Variants in BBS9 observed in about 807,000 individuals in gnomAD.
BBS9 encodes protein PTHB1.
BBS9 carries 89 observed loss-of-function variants against 117.7 expected under a neutral mutation model. The observed-to-expected ratio is 0.76, with a 90% confidence interval of 0.64 to 0.90. The LOEUF (loss-of-function observed/expected upper bound fraction) is 0.90. BBS9 is among the 40% of genes least tolerant of loss of function. The pLI is 0.00. For missense variants in BBS9, 982 were observed against 1,042.2 expected, an observed-to-expected ratio of 0.94 and a Z score of 0.80; for synonymous variants, 379 against 370.9, an observed-to-expected ratio of 1.02 and a Z score of -0.25.
chr7:33,188,079 A>AGTGTGTGTGTGTGT (rs1562762988), intron 5 of BBS9, among the ~76,000 whole-genome samples: 4 of 51,904 alleles, frequency 7.7e-5, no homozygotes, highest in Admixed American at 2.6e-4. Flanking sequence ...TAGTTGAGTG[A>AGTGTGTGTGTGTGT]ATGTGTGTGT....
chr7:33,623,495 A>G (rs1483981597), intron 21 of BBS9, among the ~76,000 whole-genome samples: 1 of 152,192 alleles, frequency 6.6e-6, no homozygotes, highest in Non-Finnish European at 1.5e-5. Context: ...GCACGTGCAC[A>G]TAACCTATCA....
At chr7:33,210,804 GA>G (rs1787866843) in intron 5 of BBS9, among the ~76,000 whole-genome samples, 2 of 152,250 alleles carry the variant, frequency 1.3e-5, no homozygotes, top group South Asian at 4.1e-4. Flanking sequence ...TTACAGGCAT[GA>G]GCCACCGAGC....
chr7:33,568,413 C>CT (rs1857251579), intron 21 of BBS9, among the ~76,000 whole-genome samples: 1 of 152,176 alleles, frequency 6.6e-6, no homozygotes, highest in South Asian at 2.1e-4. Flanking sequence ...AACCCTATCG[C>CT]TTACCCCTAT....
intron 19 of BBS9, among the ~76,000 whole-genome samples, chr7:33,455,677 C>A (rs543804589): frequency 6.6e-6 from 1 of 152,054 alleles, no homozygotes; most frequent in Non-Finnish European, 1.5e-5. Flanking sequence ...TGAAAACACC[C>A]CCATGTGGTG....
At chr7:33,633,442 A>T (rs1158879597) in intron 21 of BBS9, among the ~76,000 whole-genome samples, 1 of 152,076 alleles carries the variant, frequency 6.6e-6, no homozygotes, top group Non-Finnish European at 1.5e-5. Context: ...CAGGTTTTGA[A>T]GATTGGGAAT....
At chr7:33,400,443 G>T (rs1011866821) in intron 19 of BBS9, among the ~76,000 whole-genome samples, 1 of 151,944 alleles carries the variant, frequency 6.6e-6, no homozygotes, top group South Asian at 2.1e-4. Flanking sequence ...ATCCCATCTG[G>T]CACAATTATT....
At chr7:33,552,568 T>C (rs2129094612) in intron 21 of BBS9, among the ~76,000 whole-genome samples, 1 of 152,298 alleles carries the variant, frequency 6.6e-6, no homozygotes, top group South Asian at 2.1e-4. Flanking sequence ...AAATTAATTA[T>C]AAAACTACCT....
intron 5 of BBS9, among the ~76,000 whole-genome samples, chr7:33,253,373 G>A (rs1337147561): frequency 6.6e-6 from 1 of 152,162 alleles, no homozygotes; most frequent in Non-Finnish European, 1.5e-5. Flanking sequence ...CAGGACTTTG[G>A]GAGGCTGAGG....
At chr7:33,447,809 A>T (rs561822059) in intron 19 of BBS9, among the ~76,000 whole-genome samples, 1 of 152,300 alleles carries the variant, frequency 6.6e-6, no homozygotes, top group South Asian at 2.1e-4. Flanking sequence ...AGTTCCAAAC[A>T]ATTAAAGAAT....
rs1484908049 is a variant in BBS9 at position 33,466,028 on chromosome 7, G to GAA, written c.2116-39435_2116-39434insAA. Among the ~76,000 whole-genome samples the GAA allele has an allele frequency of 2.6e-5, 4 of 151,974 alleles. No homozygotes were observed. The East Asian group carries it at 7.7e-4, about 29-fold the overall frequency. On this transcript the variant is annotated intron_variant, in intron 19 of 22. Transcript: ENST00000242067. ...GAAGTGTACCTGACAAATAAAAGTTGTATATATTTAAAGTATATAACATTT... is the reference window on the plus strand; with the variant it reads ...GAAGTGTACCTGACAAATAAAAGTTGAATATATATTTAAAGTATATAACATTT...
chr7:33,474,940 T>TCAAA (rs763481499), intron 19 of BBS9, among the ~76,000 whole-genome samples: 1 of 152,146 alleles, frequency 6.6e-6, no homozygotes, highest in Non-Finnish European at 1.5e-5. Context: ...AGACTCCGTC[T>TCAAA]CAAACAAACA....
intron 21 of BBS9, among the ~76,000 whole-genome samples, chr7:33,580,496 T>C (rs941997509): frequency 1.6e-5 from 2 of 125,910 alleles, no homozygotes; most frequent in African/African-American, 9.5e-5. Flanking sequence ...CTTATTTGTA[T>C]GCAAAACAAT....
chr7:33,596,428 C>A (rs566767773), intron 21 of BBS9, among the ~76,000 whole-genome samples: 1 of 151,700 alleles, frequency 6.6e-6, no homozygotes, highest in South Asian at 2.1e-4. Flanking sequence ...CACCATCATA[C>A]CTTTACCAAT....
At chr7:33,291,626 A>G (rs1804064753) in intron 9 of BBS9, among the ~76,000 whole-genome samples, 1 of 152,212 alleles carries the variant, frequency 6.6e-6, no homozygotes, top group African/African-American at 2.4e-5. Flanking sequence ...GGGAAATCTC[A>G]TTCTTAAACC....
At chr7:33,539,306 C>T (rs1386511759) in intron 21 of BBS9, among the ~76,000 whole-genome samples, 1 of 152,130 alleles carries the variant, frequency 6.6e-6, no homozygotes, top group African/African-American at 2.4e-5. Flanking sequence ...ACCTCCCAGA[C>T]AATAGTGGCT....
intron 19 of BBS9, among the ~76,000 whole-genome samples, chr7:33,439,818 C>T (rs1295070098): frequency 4.6e-5 from 7 of 152,134 alleles, no homozygotes; most frequent in African/African-American, 9.7e-5. Flanking sequence ...TGAGCCACTG[C>T]GCCCGGCCTT....
intron 19 of BBS9, among the ~76,000 whole-genome samples, chr7:33,435,612 A>G (rs755779751): frequency 1.4e-4 from 22 of 152,186 alleles, no homozygotes; most frequent in Non-Finnish European, 2.9e-4. Flanking sequence ...ATCAATAGAT[A>G]CTGAATTAAA....
chr7:33,164,917 C>T (rs1481112237), intron 4 of BBS9, among the ~76,000 whole-genome samples: 4 of 152,114 alleles, frequency 2.6e-5, no homozygotes, highest in Non-Finnish European at 5.9e-5. Context: ...CAGTTTCTTC[C>T]TAGCATCGAT....
chr7:33,439,528 A>G lies in BBS9; in HGVS notation c.2115+51384A>G, dbSNP rs200703535. On this transcript the variant is annotated intron_variant, in intron 19 of 22. Coordinates refer to ENST00000242067, the MANE Select transcript of BBS9 (RefSeq NM_198428.3). ...ACTTTTTCCACTTTTTCTCTTTTTTATCACCTTTTTTTTTTTTTTGGGATG... is the reference window on the plus strand; with the variant it reads ...ACTTTTTCCACTTTTTCTCTTTTTTGTCACCTTTTTTTTTTTTTTGGGATG... 1.5e-3 allele frequency among the ~76,000 whole-genome samples: 158 copies of G among 106,644 alleles called. No homozygotes were observed. The East Asian group carries it at 0.044, about 29-fold the overall frequency. 70.0% of individuals were successfully genotyped at this position (106,644 alleles called of 152,430 possible).
Sources: allele counts gnomAD v4.1 joint callset (sites outside exome capture counted in the v4.1 genomes callset), GRCh38; gene constraint gnomAD v4.1.1; transcripts MANE v1.5; gene names NCBI Gene and HGNC (gene_info 2026-07-23, HGNC 2026-07-21).